The following MDGA2 variants were observed in gnomAD, a reference collection of about 807,000 sequenced individuals.
The protein encoded by MDGA2 is MAM domain-containing glycosylphosphatidylinositol anchor protein 2.
A neutral mutation model predicts 117.8 loss-of-function variants in MDGA2; 40 were observed. The ratio of observed to expected loss-of-function variants is 0.34; its 90% CI spans 0.26 to 0.44. The LOEUF (loss-of-function observed/expected upper bound fraction) is 0.44. Among genes scored for constraint, MDGA2 ranks in the 20% least tolerant of loss-of-function variants. The pLI, the probability that MDGA2 is intolerant of heterozygous loss-of-function variation, is 1.00. For missense variants in MDGA2, 1,123 were observed against 1,250.6 expected (o/e 0.90, Z 1.54); for synonymous variants, 452 against 439.0 (o/e 1.03, Z -0.37).
chr14:47,224,324 T>C (rs1237734566), intron 2 of MDGA2, among the ~76,000 whole-genome samples: 1 of 151,976 alleles, frequency 6.6e-6, no homozygotes, highest in Non-Finnish European at 1.5e-5. Flanking sequence ...GATATAGATA[T>C]AGATATTTCC....
At chr14:46,924,192 A>G (rs1261016933) in intron 9 of MDGA2, among the ~76,000 whole-genome samples, 1 of 152,024 alleles carries the variant, frequency 6.6e-6, no homozygotes, top group African/African-American at 2.4e-5. Flanking sequence ...ATCTATATAG[A>G]AAAAATTTGT....
chr14:47,389,740 G>T (rs533312070), intron 1 of MDGA2, among the ~76,000 whole-genome samples: 20 of 152,166 alleles, frequency 1.3e-4, no homozygotes, highest in African/African-American at 2.4e-4. Flanking sequence ...GGTGAAAAAA[G>T]GGGGGAGGGA....
intron 14 of MDGA2, among the ~76,000 whole-genome samples, chr14:46,856,978 C>A (rs1228485614): frequency 6.6e-6 from 1 of 152,066 alleles, no homozygotes; most frequent in Non-Finnish European, 1.5e-5. Flanking sequence ...TCCACTATTA[C>A]CTTATCCTAT....
intron 10 of MDGA2, among the ~76,000 whole-genome samples, chr14:46,885,134 A>G (rs969182393): frequency 1.3e-5 from 2 of 152,120 alleles, no homozygotes; most frequent in Non-Finnish European, 2.9e-5. Context: ...GGCGTAAGTC[A>G]CCGTGCCTGG....
At chr14:46,924,960 G>A (rs866394752) in intron 9 of MDGA2, among the ~76,000 whole-genome samples, 1 of 152,122 alleles carries the variant, frequency 6.6e-6, no homozygotes, top group Admixed American at 6.6e-5. Flanking sequence ...TGGGAGATAA[G>A]GTTAATAGAC....
At chr14:47,549,545 T>C (rs1264218747) in intron 1 of MDGA2, among the ~76,000 whole-genome samples, 1 of 152,160 alleles carries the variant, frequency 6.6e-6, no homozygotes, top group African/African-American at 2.4e-5. Context: ...GCATCAGCAA[T>C]TCTACCTATT....
intron 5 of MDGA2, among the ~76,000 whole-genome samples, chr14:47,100,461 G>A (rs1880241364): frequency 6.6e-6 from 1 of 152,078 alleles, no homozygotes. Flanking sequence ...ACTATATAAG[G>A]TTAAACATGG....
chr14:46,844,217 T>C (rs577683711), intron 16 of MDGA2, among the ~76,000 whole-genome samples: 55 of 152,242 alleles, frequency 3.6e-4, no homozygotes, highest in Middle Eastern at 6.8e-3. Flanking sequence ...GATTAGACCA[T>C]AAATATGAGG....
intron 2 of MDGA2, among the ~76,000 whole-genome samples, chr14:47,274,565 G>T (rs1440389092): frequency 6.6e-6 from 1 of 152,050 alleles, no homozygotes; most frequent in East Asian, 1.9e-4. Flanking sequence ...TTGTGCGAAG[G>T]TATGTTTTTA....
At chr14:47,150,411 C>T (rs927395809) in intron 3 of MDGA2, among the ~76,000 whole-genome samples, 3 of 152,188 alleles carry the variant, frequency 2.0e-5, no homozygotes, top group Non-Finnish European at 4.4e-5. Context: ...TCACATACCA[C>T]GGTCAAGTGA....
chr14:46,865,063 T>C (rs1047217391), intron 14 of MDGA2, among the ~76,000 whole-genome samples: 3 of 152,096 alleles, frequency 2.0e-5, no homozygotes, highest in African/African-American at 7.2e-5. Context: ...TTTGAGAATA[T>C]ATTTGATATG....
intron 1 of MDGA2, among the ~76,000 whole-genome samples, chr14:47,511,139 A>G (rs1361635802): frequency 6.6e-6 from 1 of 152,138 alleles, no homozygotes; most frequent in Non-Finnish European, 1.5e-5. Context: ...GTTCCTTCAG[A>G]TCTTGGGACA....
intron 1 of MDGA2, among the ~76,000 whole-genome samples, chr14:47,526,474 G>T (rs1323020312): frequency 2.0e-5 from 3 of 152,106 alleles, no homozygotes; most frequent in Non-Finnish European, 4.4e-5. Flanking sequence ...GATCAAAACT[G>T]TAAGCTAGTG....
chr14:47,161,697 C>A (rs1883640502), intron 3 of MDGA2, among the ~76,000 whole-genome samples: 1 of 151,602 alleles, frequency 6.6e-6, no homozygotes. Flanking sequence ...GCACACTCTG[C>A]CCCCACCCTC....
At position 47,658,801 on chromosome 14, in the gene MDGA2, G is replaced by A. The variant is rs561111838; in HGVS notation, c.280+15716C>T. 2.0e-4 allele frequency among the ~76,000 whole-genome samples: 30 copies of A among 152,280 alleles called. No individual in the cohort carries two copies. The South Asian group carries it at 4.6e-3, about 23-fold the overall frequency. ...TGGCTCTGCCCCAGGGGCAACCCAC[G>A]TCCAAGGACTGGTAGAAAAGAGAGT... On this transcript the variant is annotated intron_variant, in intron 1 of 16. Transcript: ENST00000399232.
At chr14:47,600,134 G>C (rs911898676) in intron 1 of MDGA2, among the ~76,000 whole-genome samples, 3 of 152,084 alleles carry the variant, frequency 2.0e-5, no homozygotes, top group Non-Finnish European at 4.4e-5. Flanking sequence ...GGTGGCTCAT[G>C]CTTCTAATCC....
At chr14:47,307,518 T>C (rs1401062446) in intron 1 of MDGA2, among the ~76,000 whole-genome samples, 2 of 152,042 alleles carry the variant, frequency 1.3e-5, no homozygotes, top group African/African-American at 4.8e-5. Flanking sequence ...CAGTCTCTAC[T>C]GGAAATACAA....
chr14:47,575,344 C>A (rs1330724980), intron 1 of MDGA2, among the ~76,000 whole-genome samples: 2 of 151,868 alleles, frequency 1.3e-5, no homozygotes, highest in African/African-American at 2.4e-5. Context: ...AAATAGCAAG[C>A]AAAAAAATCT....
intron 9 of MDGA2, among the ~76,000 whole-genome samples, chr14:46,943,353 AT>A (rs1885064031): frequency 6.6e-6 from 1 of 151,814 alleles, no homozygotes; most frequent in Non-Finnish European, 1.5e-5. Flanking sequence ...CAGTTCTACC[AT>A]TTCTGACAGC....
Sources: allele counts gnomAD v4.1 joint callset (sites outside exome capture counted in the v4.1 genomes callset), GRCh38; gene constraint gnomAD v4.1.1; transcripts MANE v1.5; gene names NCBI Gene and HGNC (gene_info 2026-07-23, HGNC 2026-07-21).